ADAMTS3: variants seen among roughly 807,000 people sequenced by gnomAD.
ADAMTS3 encodes A disintegrin and metalloproteinase with thrombospondin motifs 3.
A neutral mutation model predicts 129.0 loss-of-function variants in ADAMTS3; 73 were observed. The observed-to-expected ratio is 0.57, with a 90% CI of 0.47 to 0.69. ADAMTS3 has a LOEUF of 0.69. ADAMTS3 is among the 30% of genes least tolerant of loss of function. The probability of loss-of-function intolerance (pLI) is 0.00; values close to 1 mark genes in which losing one functional copy is unlikely to be tolerated. For synonymous variants in ADAMTS3, 477 were observed against 510.8 expected (o/e 0.93, Z 0.89); for missense variants, 1,457 against 1,514.5 (o/e 0.96, Z 0.63).
In ADAMTS3 at chr4:72,568,873, G is replaced by C. The variant is rs1402846543; in HGVS notation, c.-111C>G. The C allele has an allele frequency of 6.7e-6, 5 of 750,654 alleles. No homozygotes were observed. In the East Asian group the frequency reaches 1.4e-4, roughly 21 times the overall value. The allele number at this position is 750,654 out of a possible 1,614,324, so 46.5% of individuals were successfully genotyped here. The stretch of plus-strand genomic sequence containing the variant: ...AGAAAAAAAGGAAAAGGGAAAAAAT[G>C]CGAAATAGAAAAAAATGATCTTCTG... On this transcript the variant is annotated 5_prime_UTR_variant, in exon 1 of 22. Transcript: ENST00000286657.
intron 3 of ADAMTS3, among the ~76,000 whole-genome samples, chr4:72,484,048 C>T (rs1401700388): frequency 6.6e-6 from 1 of 151,922 alleles, no homozygotes; most frequent in African/African-American, 2.4e-5. Flanking sequence ...AAAAAGATAG[C>T]ATTTGTTTGT....
At position 72,479,687 on chromosome 4, in the gene ADAMTS3, A is replaced by G. The variant is rs1211910246; in HGVS notation, c.505-64716T>C. ...AGCAATGGCAACAAAAGACAAAATTAACAAATGGGATCTCATTAAACTAAA... is the reference window on the plus strand; with the variant it reads ...AGCAATGGCAACAAAAGACAAAATTGACAAATGGGATCTCATTAAACTAAA... On this transcript the variant is annotated intron_variant, in intron 3 of 21. Coordinates refer to ENST00000286657, the MANE Select transcript of ADAMTS3 (RefSeq NM_014243.3). Among the ~76,000 whole-genome samples the G allele has an allele frequency of 5.3e-5, 8 of 152,196 alleles. No individual in the cohort carries two copies. In the East Asian group the frequency reaches 1.2e-3, roughly 22 times the overall value.
At chr4:72,421,992 A>G (rs760428900) in intron 3 of ADAMTS3, among the ~76,000 whole-genome samples, 2 of 152,240 alleles carry the variant, frequency 1.3e-5, no homozygotes, top group Non-Finnish European at 2.9e-5. Context: ...GAGAAACTCA[A>G]AGACCATGCA....
chr4:72,302,347 T>A (rs1718973394), intron 17 of ADAMTS3, among the ~76,000 whole-genome samples: 1 of 149,612 alleles, frequency 6.7e-6, no homozygotes, highest in African/African-American at 2.4e-5. Context: ...AAAAGAAAAG[T>A]GCACCATCGG....
chr4:72,281,265 A>C lies in ADAMTS3; in HGVS notation c.*1871T>G, dbSNP rs922001822. Reference sequence around the variant, plus strand: ...TGTTTTACTATCTGGAATTTGCCTAATTTGACCTTCAAAGTTCTTGCACAA... The same window carrying C: ...TGTTTTACTATCTGGAATTTGCCTACTTTGACCTTCAAAGTTCTTGCACAA... On this transcript the variant is annotated 3_prime_UTR_variant, in exon 22 of 22. Transcript: ENST00000286657. 6.6e-6 allele frequency: 1 copy of C among 152,578 alleles called. No individual in the cohort carries two copies. The highest frequency in any genetic ancestry group is 1.5e-5 in the Non-Finnish European group (1 of 68,018). The allele number at this position is 152,578 out of a possible 1,614,324, so 9.5% of individuals were successfully genotyped here. A position where few individuals can be genotyped will look rare whatever the true frequency, so the allele number is the denominator to read the frequency against.
intron 2 of ADAMTS3, among the ~76,000 whole-genome samples, chr4:72,551,713 CT>C (rs1241302353): frequency 2.0e-5 from 3 of 152,100 alleles, no homozygotes; most frequent in African/African-American, 7.2e-5. Context: ...CCTATTACCC[CT>C]ATTCTATAAA....
At chr4:72,548,074 C>T (rs1229587781) in intron 3 of ADAMTS3, among the ~76,000 whole-genome samples, 1 of 152,120 alleles carries the variant, frequency 6.6e-6, no homozygotes, top group Non-Finnish European at 1.5e-5. Context: ...AAAATACTTT[C>T]TTTACGAGGA....
intron 3 of ADAMTS3, among the ~76,000 whole-genome samples, chr4:72,438,541 A>G (rs1718030049): frequency 1.3e-5 from 2 of 151,764 alleles, no homozygotes; most frequent in Non-Finnish European, 2.9e-5. Flanking sequence ...GTCTGACTTA[A>G]TAGAAGACAG....
intron 19 of ADAMTS3, among the ~76,000 whole-genome samples, chr4:72,291,328 G>A (rs1331088457): frequency 6.6e-6 from 1 of 151,536 alleles, no homozygotes; most frequent in East Asian, 1.9e-4. Context: ...GTATACATGT[G>A]CCATGCTGGT....
intron 3 of ADAMTS3, among the ~76,000 whole-genome samples, chr4:72,450,326 A>C (rs1235719961): frequency 1.3e-5 from 2 of 151,626 alleles, no homozygotes; most frequent in Non-Finnish European, 2.9e-5. Context: ...ATGCTCCAGG[A>C]GCCACATGGC....
rs912425051 is a variant in ADAMTS3 at position 72,541,387 on chromosome 4, TG to T, written c.504+7090del. ...TGCTTTGATTTTACAGGCTCATAGG[TG>T]GAAGGGACTTGCCCTGTCTCAGATG... On this transcript the variant is annotated intron_variant, in intron 3 of 21. Coordinates refer to ENST00000286657, the MANE Select transcript of ADAMTS3 (RefSeq NM_014243.3). Among the ~76,000 whole-genome samples, 93 of 152,300 alleles carry T rather than the reference TG, an allele frequency of 6.1e-4. 1 individual carries two copies. Among genetic ancestry groups the T allele is most frequent in the African/African-American group, 2.2e-3 (93 of 41,562 alleles).
intron 4 of ADAMTS3, among the ~76,000 whole-genome samples, chr4:72,399,439 G>GA (rs1229878344): frequency 2.6e-5 from 4 of 151,932 alleles, no homozygotes; most frequent in African/African-American, 4.8e-5. Context: ...CTCTGAAAAA[G>GA]AAAAAATTAT....
intron 3 of ADAMTS3, among the ~76,000 whole-genome samples, chr4:72,418,606 G>A (rs1249660482): frequency 2.6e-5 from 4 of 152,192 alleles, no homozygotes; most frequent in Admixed American, 6.5e-5. Context: ...CCTACTCATG[G>A]TATTCACCAT....
chr4:72,481,929 T>C (rs1719447395), intron 3 of ADAMTS3, among the ~76,000 whole-genome samples: 1 of 152,088 alleles, frequency 6.6e-6, no homozygotes, highest in African/African-American at 2.4e-5. Flanking sequence ...TTAACCATTA[T>C]GAAAATCCAA....
At chr4:72,518,643 C>T (rs1390802280) in intron 3 of ADAMTS3, among the ~76,000 whole-genome samples, 2 of 152,098 alleles carry the variant, frequency 1.3e-5, no homozygotes, top group Admixed American at 1.3e-4. Flanking sequence ...TGTTTTATCA[C>T]GGACTAGGAT....
intron 3 of ADAMTS3, among the ~76,000 whole-genome samples, chr4:72,493,657 C>T (rs1245435612): frequency 6.6e-6 from 1 of 151,908 alleles, no homozygotes; most frequent in East Asian, 1.9e-4. Context: ...TTGTACATGT[C>T]CATTTGGCTG....
chr4:72,288,922 AT>A, intron 20 of ADAMTS3, 54 bp from the exon 21 acceptor site: 2 of 716,524 alleles, frequency 2.8e-6, no homozygotes, highest in Non-Finnish European at 4.7e-6. Context: ...GACCATGCAC[AT>A]ACACACACAC....
At chr4:72,533,112 C>T (rs1721087052) in intron 3 of ADAMTS3, among the ~76,000 whole-genome samples, 1 of 152,038 alleles carries the variant, frequency 6.6e-6, no homozygotes, top group South Asian at 2.1e-4. Flanking sequence ...TATAATTATA[C>T]TTAGCTTAAA....
chr4:72,435,186 T>C (rs1178026139), intron 3 of ADAMTS3, among the ~76,000 whole-genome samples: 4 of 151,834 alleles, frequency 2.6e-5, no homozygotes, highest in Non-Finnish European at 4.4e-5. Flanking sequence ...AGACATTTGA[T>C]TGCAGTATGA....
Sources: allele counts gnomAD v4.1 joint callset (sites outside exome capture counted in the v4.1 genomes callset), GRCh38; gene constraint gnomAD v4.1.1; transcripts MANE v1.5; gene names NCBI Gene and HGNC (gene_info 2026-07-23, HGNC 2026-07-21).